The following RDH12 variants were observed in gnomAD, a reference collection of about 807,000 sequenced individuals.
RDH12 encodes the protein all-trans and 9-cis retinol dehydrogenase.
Under a neutral mutation model 34.0 loss-of-function variants are expected in RDH12, and 21 were observed. The observed-to-expected ratio is 0.62, with a 90% confidence interval of 0.44 to 0.89. The LOEUF (loss-of-function observed/expected upper bound fraction) is 0.89, where lower values mean the gene tolerates loss of function less well. RDH12 is among the 40% of genes least tolerant of loss of function. The probability of loss-of-function intolerance (pLI) is 0.00; values close to 1 mark genes in which losing one functional copy is unlikely to be tolerated. For missense variants in RDH12, 394 were observed against 398.6 expected (o/e 0.99, Z 0.10); for synonymous variants, 198 against 169.9 (o/e 1.17, Z -1.29).
Position 67,726,154 on chromosome 14 carries a change from G to A in RDH12, c.447G>A (p.Leu149=), listed in dbSNP as rs768906507. ...AAACCCACCTGGGAGTCAACCACCT[G>A]GGTAAGTATCTTTGGGTGACTAAAA... is the stretch of plus-strand genomic sequence containing the variant. ...GFETHLGVNH[L]GHFLLTYLLL... Residue 149 remains leucine, a splice_region_variant and synonymous_variant, in exon 6 of 9, where the codon CTG becomes CTA. Coordinates refer to ENST00000551171, the MANE Select transcript of RDH12 (RefSeq NM_152443.3). 3 of 1,590,932 alleles carry A rather than the reference G, an allele frequency of 1.9e-6. No homozygotes were observed. Among genetic ancestry groups the A allele is most frequent in the Non-Finnish European group, 2.6e-6 (3 of 1,158,904 alleles).
intron 1 of RDH12, among the ~76,000 whole-genome samples, chr14:67,705,218 G>T (rs1056697061): frequency 6.6e-6 from 1 of 152,196 alleles, no homozygotes; most frequent in African/African-American, 2.4e-5. Context: ...TACTGGAGTT[G>T]TCCTTTTTCA....
At chr14:67,703,907 G>T (rs2037925778) in intron 1 of RDH12, among the ~76,000 whole-genome samples, 1 of 152,096 alleles carries the variant, frequency 6.6e-6, no homozygotes, top group African/African-American at 2.4e-5. Context: ...CAAACTCCTA[G>T]ACTCAAGTGT....
chr14:67,702,277 G>GT (rs1372089936), intron 1 of RDH12, among the ~76,000 whole-genome samples: 3 of 152,044 alleles, frequency 2.0e-5, no homozygotes, highest in Admixed American at 2.0e-4. Context: ...CCTGTGCTCA[G>GT]TTTTTTAAGT....
intron 1 of RDH12, among the ~76,000 whole-genome samples, chr14:67,715,853 G>C (rs2038062372): frequency 6.6e-6 from 1 of 152,162 alleles, no homozygotes; most frequent in African/African-American, 2.4e-5. Flanking sequence ...CATGTGCTGG[G>C]GGAACACAAA....
rs111860553 is a variant in RDH12 at position 67,722,631 on chromosome 14, G to C, written c.-12G>C. ...AGCAGCAAAAGCAACAGCAGCTACA[G>C]AAGTTGGAACGATGCTGGTCACCTT... is the stretch of plus-strand genomic sequence containing the variant. On this transcript the variant is annotated 5_prime_UTR_variant, in exon 3 of 9. Transcript: ENST00000551171. 1 of 1,613,214 alleles carries C rather than the reference G, an allele frequency of 6.2e-7. No individual in the cohort carries two copies. Among genetic ancestry groups the C allele is most frequent in the Non-Finnish European group, 8.5e-7 (1 of 1,179,154 alleles).
At chr14:67,709,877 A>T (rs1172179377) in intron 1 of RDH12, among the ~76,000 whole-genome samples, 1 of 152,218 alleles carries the variant, frequency 6.6e-6, no homozygotes, top group Non-Finnish European at 1.5e-5. Flanking sequence ...CACTAAGGAA[A>T]TCTCAAGCTG....
chr14:67,708,361 T>C (rs186482992), intron 1 of RDH12, among the ~76,000 whole-genome samples: 1 of 152,212 alleles, frequency 6.6e-6, no homozygotes, highest in Admixed American at 6.5e-5. Context: ...GTCCTGAAAG[T>C]TTTTTCCTCT....
At chr14:67,705,093 T>C (rs909349763) in intron 1 of RDH12, among the ~76,000 whole-genome samples, 1 of 152,208 alleles carries the variant, frequency 6.6e-6, no homozygotes, top group South Asian at 2.1e-4. Flanking sequence ...GGAAGCCAAA[T>C]GTGAGGATCA....
At chr14:67,721,946 C>T (rs748847853) in intron 2 of RDH12, among the ~76,000 whole-genome samples, 5 of 152,080 alleles carry the variant, frequency 3.3e-5, no homozygotes, top group Non-Finnish European at 7.4e-5. Flanking sequence ...TATGCATGTG[C>T]GTGTGTTAAC....
In RDH12 at chr14:67,725,078, C is replaced by CT. The variant is rs201208501; in HGVS notation, c.188-14dup. ...TAGCCTAGGATATGAACATACTGCT[C>CT]TTTTTTTGTCTTGGACCCAGGAGCC... On this transcript the variant is annotated intron_variant, in intron 4 of 8. Transcript: ENST00000551171. 6.9e-3 allele frequency: 11,083 copies of CT among 1,613,976 alleles called. 68 individuals are homozygous for CT. Among genetic ancestry groups the CT allele is most frequent in the East Asian group, 0.021 (954 of 44,876 alleles).
chr14:67,706,399 C>T (rs1476389469), intron 1 of RDH12: 1 of 152,178 alleles, frequency 6.6e-6, no homozygotes, highest in Non-Finnish European at 1.5e-5. Flanking sequence ...ACACAGCCTT[C>T]GGAGGGCCTG....
chr14:67,726,405 T>A (rs566143270), intron 6 of RDH12, among the ~76,000 whole-genome samples: 3 of 152,282 alleles, frequency 2.0e-5, no homozygotes, highest in East Asian at 3.9e-4. Flanking sequence ...CATTCTTGGA[T>A]GGGGCAGTGG....
At chr14:67,732,904 C>T (rs143859176) in intron 8 of RDH12, among the ~76,000 whole-genome samples, 2 of 152,184 alleles carry the variant, frequency 1.3e-5, no homozygotes, top group African/African-American at 4.8e-5. Context: ...CTTCTTTTAT[C>T]AGCACTGCAT....
In RDH12 at chr14:67,729,655, G is replaced by A. The variant is rs143792801; in HGVS notation, c.848+275G>A. On this transcript the variant is annotated intron_variant, in intron 8 of 8. Transcript: ENST00000551171. Reference sequence around the variant, plus strand: ...CTGAAAGCTTTTAAAGAAGACTGTCGCTGTTGGTTATGCCATGGAGATCTG... The same window carrying A: ...CTGAAAGCTTTTAAAGAAGACTGTCACTGTTGGTTATGCCATGGAGATCTG... 2.7e-4 allele frequency: 164 copies of A among 599,680 alleles called. 1 individual carries two copies. Among genetic ancestry groups the A allele is most frequent in the African/African-American group, 2.4e-3 (129 of 53,970 alleles). 37.1% of individuals were successfully genotyped at this position (599,680 alleles called of 1,614,324 possible). A position where few individuals can be genotyped will look rare whatever the true frequency, so the allele number is the denominator to read the frequency against.
At position 67,725,142 on chromosome 14, in the gene RDH12, G is replaced by A. The variant is rs773709615; in HGVS notation, c.231G>A (p.Glu77=). The A allele has an allele frequency of 2.5e-6, 4 of 1,614,200 alleles. No homozygotes were observed. In the South Asian group the frequency reaches 3.3e-5, roughly 13 times the overall value. The part of the protein sequence containing the change: ...YIACRDVLKG[E]SAASEIRVDT... ...CCTGCAGAGATGTACTGAAGGGGGA[G>A]TCTGCTGCCAGTGAAATCCGAGTGG... is the stretch of plus-strand genomic sequence containing the variant. Residue 77 remains glutamate (E), a synonymous_variant, in exon 5 of 9, where the codon GAG becomes GAA. Transcript: ENST00000551171.
chr14:67,713,888 A>T (rs12895217), intron 1 of RDH12, among the ~76,000 whole-genome samples: 1 of 152,090 alleles, frequency 6.6e-6, no homozygotes, highest in Non-Finnish European at 1.5e-5. Flanking sequence ...GGTAGGTGAG[A>T]GAAAAACAGC....
Position 67,727,162 on chromosome 14 carries a change from T to C in RDH12, c.630T>C (p.Phe210=), listed in dbSNP as rs771268615. The change falls in exon 7 of 9, where the codon TTT becomes TTC. Residue 210 remains phenylalanine (F), a synonymous_variant. Coordinates refer to ENST00000551171, the MANE Select transcript of RDH12 (RefSeq NM_152443.3). ...ACAGCAAGCTGGCCAATGTGCTTTT[T>C]ACTCGTGAGCTGGCCAAGAGGCTCC... ...YCHSKLANVL[F]TRELAKRLQG... 59 of 1,613,720 alleles carry C rather than the reference T, an allele frequency of 3.7e-5. No individual in the cohort carries two copies. Among genetic ancestry groups the C allele is most frequent in the Non-Finnish European group, 4.5e-5 (53 of 1,179,972 alleles).
chr14:67,731,148 G>A (rs2038265707), intron 8 of RDH12, among the ~76,000 whole-genome samples: 1 of 148,900 alleles, frequency 6.7e-6, no homozygotes, highest in Admixed American at 6.7e-5. Flanking sequence ...GTAGCTGCTA[G>A]AAAATTCAAA....
rs1283377073 is a variant in RDH12, at chr14:67,734,147, G to A, written c.*299G>A. On this transcript the variant is annotated 3_prime_UTR_variant, in exon 9 of 9. Transcript: ENST00000551171. ...GGCTGGGCATGGGGGTGGCAGAAGA[G>A]CCCGAGAAATTGGGTCAGTTCCCTC... 1 of 332,320 alleles carries A rather than the reference G, an allele frequency of 3.0e-6. No individual in the cohort carries two copies. The highest frequency in any genetic ancestry group is 5.9e-6 in the Non-Finnish European group (1 of 169,458). The allele number at this position is 332,320 out of a possible 1,614,324, so 20.6% of individuals were successfully genotyped here.
Sources: allele counts gnomAD v4.1 joint callset (sites outside exome capture counted in the v4.1 genomes callset), GRCh38; gene constraint gnomAD v4.1.1; transcripts MANE v1.5; gene names NCBI Gene and HGNC (gene_info 2026-07-23, HGNC 2026-07-21).